Variants in CNTN5 observed in about 807,000 individuals in gnomAD.
CNTN5 encodes the protein contactin-5.
In CNTN5, 77 loss-of-function variants were observed where a neutral mutation model predicts 129.1. The ratio of observed to expected loss-of-function variants is 0.60; its 90% CI spans 0.50 to 0.72. The LOEUF (loss-of-function observed/expected upper bound fraction) is 0.72, where lower values mean the gene tolerates loss of function less well. Among genes scored for constraint, CNTN5 ranks in the 30% least tolerant of loss-of-function variants. CNTN5 has a pLI of 0.00. For synonymous variants in CNTN5, 509 were observed against 465.6 expected (o/e 1.09, Z -1.20); for missense variants, 1,478 against 1,328.8 (o/e 1.11, Z -1.75).
intron 2 of CNTN5, among the ~76,000 whole-genome samples, chr11:99,531,906 G>T: frequency 6.6e-6 from 1 of 152,166 alleles, no homozygotes; most frequent in East Asian, 1.9e-4. Context: ...TTCTCATGGA[G>T]AATCTCTGCT....
intron 2 of CNTN5, among the ~76,000 whole-genome samples, chr11:99,530,432 T>TA (rs1477706676): frequency 2.0e-5 from 3 of 151,976 alleles, no homozygotes. Context: ...AACAAACACT[T>TA]ATTGAAGTCC....
At chr11:99,383,169 A>T (rs79183505) in intron 2 of CNTN5, among the ~76,000 whole-genome samples, 32,402 of 151,900 alleles carry the variant, frequency 0.21, 3,435 homozygotes, top group Middle Eastern at 0.28. Flanking sequence ...AATAACTTTT[A>T]TTTCACTAAA....
rs189620830 is a variant in CNTN5, at chr11:99,957,519, T to G, written c.877+510T>G. 3.2e-4 allele frequency among the ~76,000 whole-genome samples: 48 copies of G among 152,316 alleles called. 1 individual carries two copies. The East Asian group carries it at 8.9e-3, about 28-fold the overall frequency. On this transcript the variant is annotated intron_variant, in intron 8 of 24. Transcript: ENST00000524871. ...GCAAATCAGGCAGAAGTGATGATTC[T>G]ATAATTATAGTATTGCCATCTATCC...
intron 13 of CNTN5, among the ~76,000 whole-genome samples, chr11:100,088,494 A>T (rs1591215444): frequency 1.3e-5 from 2 of 152,092 alleles, no homozygotes; most frequent in East Asian, 3.9e-4. Context: ...ACTGCTAGCT[A>T]AATTAACAAA....
At chr11:99,888,542 C>T (rs746879240) in intron 6 of CNTN5, among the ~76,000 whole-genome samples, 8 of 152,214 alleles carry the variant, frequency 5.3e-5, no homozygotes, top group South Asian at 2.1e-4. Flanking sequence ...AGGGTACCAT[C>T]GGGGAAACAT....
intron 2 of CNTN5, among the ~76,000 whole-genome samples, chr11:99,336,794 C>G (rs188444626): frequency 6.6e-6 from 1 of 151,434 alleles, no homozygotes; most frequent in Non-Finnish European, 1.5e-5. Flanking sequence ...CGCCATTGCA[C>G]TCCAGCCTGG....
At chr11:100,329,612 T>G (rs1223306402) in intron 21 of CNTN5, among the ~76,000 whole-genome samples, 1 of 152,194 alleles carries the variant, frequency 6.6e-6, no homozygotes, top group African/African-American at 2.4e-5. Flanking sequence ...GGTGCTGATA[T>G]CCAGGCTGCA....
chr11:100,263,738 G>A (rs572365673), intron 17 of CNTN5, among the ~76,000 whole-genome samples: 23 of 152,204 alleles, frequency 1.5e-4, no homozygotes, highest in Non-Finnish European at 2.5e-4. Context: ...CTTATTCTTA[G>A]TATGACAGCT....
intron 3 of CNTN5, among the ~76,000 whole-genome samples, chr11:99,782,481 C>G (rs376122828): frequency 0.036 from 5,374 of 150,482 alleles, 131 homozygotes; most frequent in South Asian, 0.053. Flanking sequence ...AAACTACTTT[C>G]AAGTTCATAT....
chr11:99,156,081 T>A (rs1192818695), intron 1 of CNTN5, among the ~76,000 whole-genome samples: 8 of 152,032 alleles, frequency 5.3e-5, no homozygotes, highest in Non-Finnish European at 1.2e-4. Context: ...AGATACCTGA[T>A]CATGAAGGAA....
chr11:100,164,994 C>T (rs560378653), intron 13 of CNTN5, among the ~76,000 whole-genome samples: 28 of 151,854 alleles, frequency 1.8e-4, no homozygotes, highest in African/African-American at 5.8e-4. Context: ...AAGCAGTCCA[C>T]AGTCAATCTC....
intron 2 of CNTN5, among the ~76,000 whole-genome samples, chr11:99,457,311 A>G (rs775962386): frequency 3.9e-5 from 6 of 151,976 alleles, no homozygotes; most frequent in Non-Finnish European, 8.8e-5. Flanking sequence ...TAAAAGGAAG[A>G]AAGATGCAGC....
At chr11:99,586,174 A>C (rs1240303780) in intron 3 of CNTN5, among the ~76,000 whole-genome samples, 1 of 151,950 alleles carries the variant, frequency 6.6e-6, no homozygotes, top group East Asian at 1.9e-4. Flanking sequence ...CTTTCAACCC[A>C]TCCTGAAATC....
intron 9 of CNTN5, among the ~76,000 whole-genome samples, chr11:100,056,050 A>G (rs533517255): frequency 6.6e-6 from 1 of 151,682 alleles, no homozygotes; most frequent in African/African-American, 2.4e-5. Context: ...CTCTTCAACT[A>G]TGTCTAATTT....
chr11:99,893,401 C>G (rs1342069867), intron 6 of CNTN5, among the ~76,000 whole-genome samples: 7 of 152,110 alleles, frequency 4.6e-5, no homozygotes, highest in Non-Finnish European at 8.8e-5. Context: ...AATTTGTTAT[C>G]TGCTCTCTTG....
At chr11:99,683,661 C>T (rs1953658402) in intron 3 of CNTN5, among the ~76,000 whole-genome samples, 1 of 151,746 alleles carries the variant, frequency 6.6e-6, no homozygotes, top group South Asian at 2.1e-4. Flanking sequence ...AGTTTTCACA[C>T]ACAAAAAGAA....
intron 21 of CNTN5, among the ~76,000 whole-genome samples, chr11:100,315,917 G>C (rs769283125): frequency 6.6e-6 from 1 of 152,174 alleles, no homozygotes; most frequent in African/African-American, 2.4e-5. Context: ...ATTGAAAATT[G>C]AAAGTGGGCT....
intron 3 of CNTN5, among the ~76,000 whole-genome samples, chr11:99,625,222 T>G (rs141020790): frequency 6.6e-6 from 1 of 152,218 alleles, no homozygotes; most frequent in East Asian, 1.9e-4. Context: ...CATTTCTTGT[T>G]TGGCTTTTCT....
chr11:100,013,924 T>C (rs948904439), intron 9 of CNTN5, among the ~76,000 whole-genome samples: 8 of 152,198 alleles, frequency 5.3e-5, no homozygotes, highest in African/African-American at 2.4e-5. Flanking sequence ...GTATGTGTCT[T>C]ACTGAATCAC....
Sources: allele counts gnomAD v4.1 joint callset (sites outside exome capture counted in the v4.1 genomes callset), GRCh38; gene constraint gnomAD v4.1.1; transcripts MANE v1.5; gene names NCBI Gene and HGNC (gene_info 2026-07-23, HGNC 2026-07-21).